The following LRRC57 variants were observed in gnomAD, a reference collection of about 807,000 sequenced individuals.
LRRC57 encodes leucine-rich repeat-containing protein 57.
A neutral mutation model predicts 23.1 loss-of-function variants in LRRC57; 14 were observed. The ratio of observed to expected loss-of-function variants is 0.61; its 90% confidence interval spans 0.40 to 0.95. The LOEUF is 0.95. Ranked by LOEUF, LRRC57 falls within the 40% of genes least tolerant of loss-of-function variation. The pLI is 0.00. For synonymous variants in LRRC57, 106 were observed against 115.2 expected (o/e 0.92, Z 0.51); for missense variants, 236 against 284.4 (o/e 0.83, Z 1.22).
the LRRC57 span, chr15:42,528,511 CA>C: frequency 3.3e-6 from 4 of 1,207,854 alleles, no homozygotes; most frequent in Non-Finnish European, 4.7e-6. Context: ...CCTAATAAAA[CA>C]AATAAAAATT....
chr15:42,528,487 A>C, the LRRC57 span: 1 of 1,463,660 alleles, frequency 6.8e-7, no homozygotes, highest in Non-Finnish European at 9.6e-7. Flanking sequence ...AGATGAGTTT[A>C]GCAGTACATG....
chr15:42,529,871 A>C, the LRRC57 span: 325 of 1,583,012 alleles, frequency 2.1e-4, 1 homozygote, highest in African/African-American at 4.0e-3. Flanking sequence ...TCAGTGTTTC[A>C]GTAATAGACA....
chr15:42,548,445 C>T lies in LRRC57; in HGVS notation c.-11G>A. The T allele has an allele frequency of 6.2e-7, 1 of 1,613,058 alleles. No individual in the cohort carries two copies. Among genetic ancestry groups the T allele is most frequent in the Non-Finnish European group, 8.5e-7 (1 of 1,179,940 alleles). Reference sequence around the variant, plus strand: ...CGCACTGTTTCCCATCCTAGCGCCGCGGCTCAGGTCCCTGCGGGAAGGAAG... The same window carrying T: ...CGCACTGTTTCCCATCCTAGCGCCGTGGCTCAGGTCCCTGCGGGAAGGAAG... On this transcript the variant is annotated 5_prime_UTR_variant, in exon 2 of 6. Coordinates refer to ENST00000397130, the MANE Select transcript of LRRC57 (RefSeq NM_153260.3).
the LRRC57 span, chr15:42,529,759 C>T: frequency 1.2e-6 from 2 of 1,613,942 alleles, no homozygotes; most frequent in Non-Finnish European, 1.7e-6. Flanking sequence ...AAGACATGGC[C>T]CTGAACATAG....
downstream of LRRC57, among the ~76,000 whole-genome samples, chr15:42,533,625 A>G (rs940811873): frequency 7.9e-5 from 12 of 152,220 alleles, no homozygotes; most frequent in African/African-American, 2.2e-4. Context: ...AGCATGCTAC[A>G]CTCACAGTAT....
At chr15:42,544,363 GACCAGC>G (rs2057645906) in intron 5 of LRRC57, among the ~76,000 whole-genome samples, 1 of 123,078 alleles carries the variant, frequency 8.1e-6, no homozygotes, top group Admixed American at 7.7e-5. Flanking sequence ...AGGAGTTTCA[GACCAGC>G]CTGAGCAATC....
At chr15:42,536,459 C>G (rs1259556269), downstream of LRRC57, among the ~76,000 whole-genome samples, 1 of 152,196 alleles carries the variant, frequency 6.6e-6, no homozygotes, top group East Asian at 1.9e-4. Flanking sequence ...GGAGCTCTTT[C>G]TGGTCAAGCA....
At position 42,548,783 on chromosome 15, in the gene LRRC57, G is replaced by A. The variant is rs899751442; in HGVS notation, c.-113C>T. ...CGCTCCCCGGCTTAGTCCCGGGCGG[G>A]AACGCCCTGTGACGTCATCGAGCCG... On this transcript the variant is annotated 5_prime_UTR_variant, in exon 1 of 6. Transcript: ENST00000397130. 18 of 961,044 alleles carry A rather than the reference G, an allele frequency of 1.9e-5. No individual in the cohort carries two copies. Among genetic ancestry groups the A allele is most frequent in the East Asian group, 1.8e-4 (7 of 38,010 alleles). The allele number at this position is 961,044 out of a possible 1,614,324, so 59.5% of individuals were successfully genotyped here. A position where few individuals can be genotyped will look rare whatever the true frequency, so the allele number is the denominator to read the frequency against.
intron 5 of LRRC57, 61 bp downstream of exon 5, chr15:42,545,016 T>TA: frequency 8.0e-7 from 1 of 1,242,296 alleles, no homozygotes; most frequent in East Asian, 2.5e-5. Context: ...TTCTGTGGAT[T>TA]ACTTCACCAT....
chr15:42,537,233 T>TCTCACACACACA (rs1166056089), downstream of LRRC57, among the ~76,000 whole-genome samples: 1 of 136,500 alleles, frequency 7.3e-6, no homozygotes, highest in African/African-American at 3.0e-5. Flanking sequence ...TCTCTCTCTC[T>TCTCACACACACA]CACACACACA....
At chr15:42,545,012 G>T (rs1355736395) in intron 5 of LRRC57, 65 bp downstream of exon 5, 5 of 1,215,852 alleles carry the variant, frequency 4.1e-6, no homozygotes, top group Non-Finnish European at 3.4e-6. Context: ...ACATTTCTGT[G>T]GATTACTTCA....
At chr15:42,529,659 T>A in the LRRC57 span, 2 of 1,607,504 alleles carry the variant, frequency 1.2e-6, no homozygotes, top group African/African-American at 2.7e-5. Flanking sequence ...TGGAATTAAC[T>A]GTCTTCTTGT....
intron 3 of LRRC57, chr15:42,547,765 A>C (rs1000033769): frequency 1.8e-6 from 1 of 551,444 alleles, no homozygotes; most frequent in African/African-American, 1.9e-5. Context: ...AAAGGGGCCC[A>C]AGGCACAATC....
intron 3 of LRRC57, chr15:42,547,743 G>A (rs1244483894): frequency 1.8e-6 from 1 of 567,976 alleles, no homozygotes; most frequent in Admixed American, 3.4e-5. Context: ...GTGTATAATG[G>A]GCTCCTTTTG....
rs2057622988 is a variant in LRRC57, at chr15:42,540,439, A to G, written c.*3644T>C. On this transcript the variant is annotated 3_prime_UTR_variant, in exon 6 of 6. Transcript: ENST00000397130. Reference sequence around the variant, plus strand: ...TAATCTAGAGATAATTTAAAGTATCAGGAAGATACTATGTCATTTTGTATA... The same window carrying G: ...TAATCTAGAGATAATTTAAAGTATCGGGAAGATACTATGTCATTTTGTATA... The G allele has an allele frequency of 6.6e-6, 1 of 152,220 alleles. No individual in the cohort carries two copies. Among genetic ancestry groups the G allele is most frequent in the Non-Finnish European group, 1.5e-5 (1 of 68,050 alleles). 9.4% of individuals were successfully genotyped at this position (152,220 alleles called of 1,614,324 possible). A position where few individuals can be genotyped will look rare whatever the true frequency, so the allele number is the denominator to read the frequency against.
chr15:42,537,231 TCTCACACACACACA>T (rs1272709990), downstream of LRRC57, among the ~76,000 whole-genome samples: 1 of 132,082 alleles, frequency 7.6e-6, no homozygotes, highest in Non-Finnish European at 1.5e-5. Flanking sequence ...TCTCTCTCTC[TCTCACACACACACA>T]CACACACACA....
the LRRC57 span, chr15:42,529,951 G>A: frequency 5.2e-6 from 5 of 963,838 alleles, no homozygotes; most frequent in Non-Finnish European, 7.6e-6. Context: ...TTCTGATGAG[G>A]TGGTGGTTCT....
the LRRC57 span, chr15:42,531,450 C>T: frequency 1.3e-6 from 2 of 1,597,960 alleles, no homozygotes; most frequent in Non-Finnish European, 1.7e-6. Flanking sequence ...ATTGCCAATG[C>T]CAGAGCAAAG....
chr15:42,529,953 G>A, the LRRC57 span: 4 of 947,480 alleles, frequency 4.2e-6, no homozygotes, highest in African/African-American at 5.0e-5. Flanking sequence ...CTGATGAGGT[G>A]GTGGTTCTAA....
Sources: allele counts gnomAD v4.1 joint callset (sites outside exome capture counted in the v4.1 genomes callset), GRCh38; gene constraint gnomAD v4.1.1; transcripts MANE v1.5; gene names NCBI Gene and HGNC (gene_info 2026-07-23, HGNC 2026-07-21).